UQCC1: variants seen among roughly 807,000 people sequenced by gnomAD.
UQCC1 encodes the protein bFGF-repressed Zic-binding protein.
A neutral mutation model predicts 48.0 loss-of-function variants in UQCC1; 38 were observed. The observed-to-expected ratio is 0.79, with a 90% CI of 0.61 to 1.04. The LOEUF is 1.04. Ranked by LOEUF, UQCC1 falls within the 50% of genes least tolerant of loss-of-function variation. The pLI is 0.00. For synonymous variants in UQCC1, 111 were observed against 129.2 expected, an observed-to-expected ratio of 0.86 and a Z score of 0.95; for missense variants, 368 against 381.8, an observed-to-expected ratio of 0.96 and a Z score of 0.30.
chr20:35,373,570 T>C (rs991568594), intron 5 of UQCC1, among the ~76,000 whole-genome samples: 7 of 151,856 alleles, frequency 4.6e-5, no homozygotes, highest in African/African-American at 1.7e-4. Context: ...TCCCAGCTAT[T>C]CGGGAGGCCG....
chr20:35,407,913 T>C (rs1441615090), intron 1 of UQCC1, among the ~76,000 whole-genome samples: 2 of 152,160 alleles, frequency 1.3e-5, no homozygotes, highest in Non-Finnish European at 2.9e-5. Flanking sequence ...TCCCAGCTAC[T>C]TGGGAGGCTG....
chr20:35,367,356 T>C (rs1028268850), intron 5 of UQCC1, among the ~76,000 whole-genome samples: 1 of 152,184 alleles, frequency 6.6e-6, no homozygotes, highest in Non-Finnish European at 1.5e-5. Flanking sequence ...CTTTTTTCAG[T>C]TGGGCTCCAC....
intron 7 of UQCC1, among the ~76,000 whole-genome samples, chr20:35,340,964 C>G (rs2061370290): frequency 6.6e-6 from 1 of 152,066 alleles, no homozygotes; most frequent in South Asian, 2.1e-4. Context: ...GGTGGTGGCT[C>G]ATGCCTGTAA....
At chr20:35,305,230 T>C (rs747695628) in intron 9 of UQCC1, among the ~76,000 whole-genome samples, 1 of 152,226 alleles carries the variant, frequency 6.6e-6, no homozygotes, top group Non-Finnish European at 1.5e-5. Context: ...CAAGAGTACA[T>C]GGAGCAGCAG....
chr20:35,364,463 A>G (rs1279010674), intron 6 of UQCC1, among the ~76,000 whole-genome samples: 1 of 152,236 alleles, frequency 6.6e-6, no homozygotes, highest in Middle Eastern at 3.2e-3. Flanking sequence ...ATTACCAGAA[A>G]AGAATGCATG....
At chr20:35,311,053 C>A (rs1019933639) in intron 8 of UQCC1, among the ~76,000 whole-genome samples, 1 of 151,954 alleles carries the variant, frequency 6.6e-6, no homozygotes, top group Non-Finnish European at 1.5e-5. Flanking sequence ...AGAGGGAGTG[C>A]CTACAAGGTA....
At chr20:35,306,109 A>G (rs1387267423) in intron 9 of UQCC1, among the ~76,000 whole-genome samples, 3 of 152,040 alleles carry the variant, frequency 2.0e-5, no homozygotes, top group African/African-American at 7.3e-5. Flanking sequence ...CCCACTGCGG[A>G]GCTTTCTCGT....
intron 1 of UQCC1, among the ~76,000 whole-genome samples, chr20:35,407,202 C>A (rs866341718): frequency 6.6e-6 from 1 of 152,042 alleles, no homozygotes; most frequent in African/African-American, 2.4e-5. Context: ...CTGAGGTGGG[C>A]GGATCACTTG....
chr20:35,310,381 A>C (rs900509294), intron 8 of UQCC1, among the ~76,000 whole-genome samples: 1 of 152,092 alleles, frequency 6.6e-6, no homozygotes, highest in East Asian at 1.9e-4. Context: ...GTGGTGGCTC[A>C]CGCCTGTAAT....
chr20:35,354,912 A>G (rs958278036), intron 6 of UQCC1, among the ~76,000 whole-genome samples: 1 of 152,348 alleles, frequency 6.6e-6, no homozygotes, highest in South Asian at 2.1e-4. Flanking sequence ...ATTTCTGGTC[A>G]CAAAAACATC....
At chr20:35,327,863 A>G (rs547418582) in intron 7 of UQCC1, among the ~76,000 whole-genome samples, 9 of 152,144 alleles carry the variant, frequency 5.9e-5, no homozygotes, top group Admixed American at 3.9e-4. Flanking sequence ...TTAGCTGGGC[A>G]TGGTGGTGGG....
intron 9 of UQCC1, among the ~76,000 whole-genome samples, chr20:35,305,372 C>T (rs1002497295): frequency 3.3e-5 from 5 of 152,222 alleles, no homozygotes; most frequent in African/African-American, 1.2e-4. Flanking sequence ...ATGGTTGTGG[C>T]AGCCCCTTCC....
intron 5 of UQCC1, among the ~76,000 whole-genome samples, chr20:35,366,949 C>T (rs944006585): frequency 2.6e-5 from 4 of 151,898 alleles, no homozygotes; most frequent in African/African-American, 9.7e-5. Context: ...CAAAAATTAA[C>T]CAGGCGTGGT....
At chr20:35,367,828 A>G (rs1425936995) in intron 5 of UQCC1, among the ~76,000 whole-genome samples, 2 of 152,182 alleles carry the variant, frequency 1.3e-5, no homozygotes, top group Non-Finnish European at 2.9e-5. Context: ...CTGCAGCTGA[A>G]TAAGAAAGCA....
At position 35,314,720 on chromosome 20, in the gene UQCC1, G is replaced by A. The variant is rs1388503496; in HGVS notation, c.619C>T (p.His207Tyr). ...TATCCCAAGATCGCTGCATAGAAAT[G>A]ATTTGTCATGAGGATCATGTTCTTC... is the stretch of plus-strand genomic sequence containing the variant. ...LKKNMILMTN[H>Y]FYAAILGYDE... The change falls in exon 8 of 10, where the codon CAT becomes TAT. Residue 207 changes from histidine to tyrosine, a missense_variant. Physicochemically the swap from His to Tyr is moderately conservative, Grantham distance 83 (BLOSUM62 2). Transcript: ENST00000374385. The A allele has an allele frequency of 6.2e-7, 1 of 1,608,702 alleles. No homozygotes were observed. Among genetic ancestry groups the A allele is most frequent in the African/African-American group, 1.3e-5 (1 of 74,858 alleles).
chr20:35,392,210 A>C, intron 2 of UQCC1: 1 of 1,302,140 alleles, frequency 7.7e-7, no homozygotes, highest in Non-Finnish European at 1.0e-6. Context: ...TTCTGAGCCA[A>C]ATCTTCCTCC....
Position 35,338,856 on chromosome 20 carries a change from GAAAAAAAAAAAAAAAAAAAA to G in UQCC1, c.573+8288_573+8307del, listed in dbSNP as rs1172467457. Among the ~76,000 whole-genome samples, 12 of 26,846 alleles carry G rather than the reference GAAAAAAAAAAAAAAAAAAAA, an allele frequency of 4.5e-4. 1 individual carries two copies. Among genetic ancestry groups the G allele is most frequent in the Non-Finnish European group, 3.8e-4 (7 of 18,202 alleles). 17.6% of individuals were successfully genotyped at this position (26,846 alleles called of 152,430 possible). A position where few individuals can be genotyped will look rare whatever the true frequency, so the allele number is the denominator to read the frequency against. On this transcript the variant is annotated intron_variant, in intron 7 of 9. Coordinates refer to ENST00000374385, the MANE Select transcript of UQCC1 (RefSeq NM_018244.5). ...GAGAAAGCAAGACTCCGTCTCAAAA[GAAAAAAAAAAAAAAAAAAAA>G]AAAAAAAAAAAAAAAAATATATATA...
At chr20:35,348,138 A>G (rs2061450863) in intron 6 of UQCC1, among the ~76,000 whole-genome samples, 2 of 152,200 alleles carry the variant, frequency 1.3e-5, no homozygotes, top group African/African-American at 4.8e-5. Flanking sequence ...TAGGCACTCA[A>G]TATACACTTG....
chr20:35,385,079 C>T (rs59496877), intron 2 of UQCC1, among the ~76,000 whole-genome samples: 5 of 150,948 alleles, frequency 3.3e-5, no homozygotes, highest in African/African-American at 1.2e-4. Flanking sequence ...ATATGGGCAG[C>T]AGTGCCGTAT....
Sources: allele counts gnomAD v4.1 joint callset (sites outside exome capture counted in the v4.1 genomes callset), GRCh38; gene constraint gnomAD v4.1.1; transcripts MANE v1.5; gene names NCBI Gene and HGNC (gene_info 2026-07-23, HGNC 2026-07-21).